Variants in LRCH3 observed in about 807,000 individuals in gnomAD.
The protein encoded by LRCH3 is DISP complex protein LRCH3.
Under a neutral mutation model 104.5 loss-of-function variants are expected in LRCH3, and 68 were observed. The ratio of observed to expected loss-of-function variants is 0.65; its 90% confidence interval spans 0.54 to 0.80. The LOEUF (loss-of-function observed/expected upper bound fraction) is 0.80, where lower values mean the gene tolerates loss of function less well. Among genes scored for constraint, LRCH3 ranks in the 30% least tolerant of loss-of-function variants. LRCH3 has a pLI of 0.00. For missense variants in LRCH3, 951 were observed against 953.9 expected (o/e 1.00, Z 0.04); for synonymous variants, 344 against 361.3 (o/e 0.95, Z 0.54).
At chr3:197,861,895 C>T (rs1357396776) in intron 15 of LRCH3, among the ~76,000 whole-genome samples, 3 of 152,166 alleles carry the variant, frequency 2.0e-5, no homozygotes, top group Non-Finnish European at 2.9e-5. Flanking sequence ...AGATTTATAG[C>T]TTTAATAAAA....
intron 1 of LRCH3, among the ~76,000 whole-genome samples, chr3:197,805,145 G>C (rs951103805): frequency 6.6e-6 from 1 of 152,072 alleles, no homozygotes; most frequent in African/African-American, 2.4e-5. Context: ...TACCCGCCTT[G>C]GCCTCCCAAA....
chr3:197,818,428 A>C (rs1441508893), intron 3 of LRCH3, among the ~76,000 whole-genome samples: 7 of 152,194 alleles, frequency 4.6e-5, no homozygotes, highest in African/African-American at 1.7e-4. Context: ...TAGGTTTATT[A>C]ACAAAGATGG....
chr3:197,850,286 A>G (rs980666122), intron 12 of LRCH3: 3 of 611,966 alleles, frequency 4.9e-6, no homozygotes, highest in Non-Finnish European at 8.5e-6. Flanking sequence ...AGTAGGCACT[A>G]TTTTAAGTAC....
rs1475017462 is a variant in LRCH3, at chr3:197,870,067, C to G, written c.1874-93C>G. ...CCTGCAGGAGGTAGAAAGCCATGCACTGCACTTGCAGGGAAACTGTGATGA... is the reference window on the plus strand; with the variant it reads ...CCTGCAGGAGGTAGAAAGCCATGCAGTGCACTTGCAGGGAAACTGTGATGA... On this transcript the variant is annotated intron_variant, in intron 17 of 20. Coordinates refer to ENST00000425562, the MANE Select transcript of LRCH3 (RefSeq NM_001365715.1). 3.0e-6 allele frequency: 4 copies of G among 1,327,428 alleles called. No individual in the cohort carries two copies. The African/African-American group carries it at 4.4e-5, about 14-fold the overall frequency. The allele number at this position is 1,327,428 out of a possible 1,614,324, so 82.2% of individuals were successfully genotyped here.
chr3:197,828,604 C>G (rs1459761442), intron 5 of LRCH3, among the ~76,000 whole-genome samples: 1 of 151,880 alleles, frequency 6.6e-6, no homozygotes, highest in Non-Finnish European at 1.5e-5. Flanking sequence ...CTCGGCCTCC[C>G]AAAGTGCTGG....
chr3:197,868,642 A>T (rs1711634959), intron 17 of LRCH3, among the ~76,000 whole-genome samples: 2 of 152,264 alleles, frequency 1.3e-5, no homozygotes, highest in Non-Finnish European at 2.9e-5. Context: ...GTACAATGGA[A>T]TACCATATAA....
chr3:197,833,393 C>T (rs1345153434), intron 8 of LRCH3, among the ~76,000 whole-genome samples: 1 of 23,540 alleles, frequency 4.2e-5, no homozygotes, highest in East Asian at 1.5e-3. Flanking sequence ...AAAAAAAAAG[C>T]AGGGCATAGT....
chr3:197,871,578 G>T, intron 19 of LRCH3, 116 bp downstream of exon 19: 1 of 1,372,108 alleles, frequency 7.3e-7, no homozygotes, highest in South Asian at 1.4e-5. Context: ...AAAGAGTCCA[G>T]TCTCTACCTT....
At position 197,814,403 on chromosome 3, in the gene LRCH3, T is replaced by C. The variant is rs1185554668; in HGVS notation, c.263-505T>C. Among the ~76,000 whole-genome samples the C allele has an allele frequency of 2.6e-5, 4 of 152,214 alleles. No individual in the cohort carries two copies. The East Asian group carries it at 7.7e-4, about 29-fold the overall frequency. On this transcript the variant is annotated intron_variant, in intron 1 of 20. Transcript: ENST00000425562. ...GGAATTCTGGGGAATACAATTCACG[T>C]TGAGACTTGAATGGGGACACAGGCA...
rs1026024833 is a variant in LRCH3 at position 197,792,604 on chromosome 3, T to A, written c.262+1064T>A. ...ATATATATATATATATATATATATA[T>A]AAAATATACATATATATATAATATA... On this transcript the variant is annotated intron_variant, in intron 1 of 20. Coordinates refer to ENST00000425562, the MANE Select transcript of LRCH3 (RefSeq NM_001365715.1). Among the ~76,000 whole-genome samples, 81 of 58,502 alleles carry A rather than the reference T, an allele frequency of 1.4e-3. 3 individuals carry two copies. The highest frequency in any genetic ancestry group is 1.6e-3 in the Non-Finnish European group (43 of 27,408). The allele number at this position is 58,502 out of a possible 152,430, so 38.4% of individuals were successfully genotyped here.
intron 1 of LRCH3, among the ~76,000 whole-genome samples, chr3:197,803,158 G>A (rs563157803): frequency 6.6e-6 from 1 of 152,280 alleles, no homozygotes; most frequent in East Asian, 1.9e-4. Flanking sequence ...ATGTAGTGAA[G>A]GAGGCTTTCT....
chr3:197,877,439 C>T (rs867879744), intron 20 of LRCH3, among the ~76,000 whole-genome samples: 2 of 37,286 alleles, frequency 5.4e-5, no homozygotes. Flanking sequence ...CTTTACCCAA[C>T]TCACCGCACC....
In LRCH3 at chr3:197,797,188, G is replaced by A. The variant is rs148482885; in HGVS notation, c.262+5648G>A. ...ATTAAAAATATAAAAAATTAGCTGG[G>A]CGTGGTGGTGCATGGCTGTAATCGC... On this transcript the variant is annotated intron_variant, in intron 1 of 20. Coordinates refer to ENST00000425562, the MANE Select transcript of LRCH3 (RefSeq NM_001365715.1). Among the ~76,000 whole-genome samples, 287 of 152,088 alleles carry A rather than the reference G, an allele frequency of 1.9e-3. 1 individual carries two copies. The highest frequency in any genetic ancestry group is 3.5e-3 in the Non-Finnish European group (238 of 67,974).
chr3:197,862,879 G>C (rs1741047543), intron 15 of LRCH3, among the ~76,000 whole-genome samples: 1 of 152,212 alleles, frequency 6.6e-6, no homozygotes, highest in Non-Finnish European at 1.5e-5. Context: ...TCAGCTCACT[G>C]TTTAAATCTT....
intron 1 of LRCH3, among the ~76,000 whole-genome samples, chr3:197,806,105 T>C (rs1020872529): frequency 6.6e-6 from 1 of 152,036 alleles, no homozygotes; most frequent in Non-Finnish European, 1.5e-5. Flanking sequence ...TTTGTATTTT[T>C]AGTAGAGACG....
chr3:197,821,021 G>A (rs1165754732), intron 4 of LRCH3, among the ~76,000 whole-genome samples: 2 of 152,064 alleles, frequency 1.3e-5, no homozygotes, highest in Non-Finnish European at 2.9e-5. Flanking sequence ...CTTGTCAACC[G>A]ATGTAATTAA....
At position 197,827,027 on chromosome 3, in the gene LRCH3, G is replaced by A. The variant is rs757486976; in HGVS notation, c.777+13G>A. The A allele has an allele frequency of 1.5e-5, 24 of 1,555,268 alleles. 1 individual carries two copies. In the South Asian group the frequency reaches 2.5e-4, roughly 16 times the overall value. ...ACCTCCTGCACAGGTAAACCATAGT[G>A]GAAGCATCAGGTAAACCATGGTGGA... On this transcript the variant is annotated intron_variant, in intron 5 of 20. Transcript: ENST00000425562.
chr3:197,879,641 A>G (rs1560063572), intron 20 of LRCH3, among the ~76,000 whole-genome samples: 1 of 143,118 alleles, frequency 7.0e-6, no homozygotes, highest in Admixed American at 6.7e-5. Flanking sequence ...ATAAAAAAAT[A>G]AAATAAAACA....
Position 197,826,859 on chromosome 3 carries a change from C to G in LRCH3, c.641-19C>G. The G allele has an allele frequency of 6.2e-7, 1 of 1,613,790 alleles. No individual in the cohort carries two copies. Among genetic ancestry groups the G allele is most frequent in the Non-Finnish European group, 8.5e-7 (1 of 1,179,806 alleles). On this transcript the variant is annotated intron_variant, in intron 4 of 20. Coordinates refer to ENST00000425562, the MANE Select transcript of LRCH3 (RefSeq NM_001365715.1). ...GTAAAACATCATTAATTGTTCATTT[C>G]CATTTTACCTTCTTGCAGAGCTGGC...
Sources: gnomAD v4.1 joint callset for allele counts (sites outside exome capture counted in the v4.1 genomes callset) on GRCh38, gnomAD v4.1.1 for gene constraint, MANE v1.5 for transcripts, NCBI Gene and HGNC (gene_info 2026-07-23, HGNC 2026-07-21) for gene names.